PIWIL1: variants seen among roughly 807,000 people sequenced by gnomAD.
The protein encoded by PIWIL1 is piwi-like protein 1.
Under a neutral mutation model 114.4 loss-of-function variants are expected in PIWIL1, and 73 were observed. That is an observed-to-expected ratio of 0.64 (90% CI 0.53 to 0.78). The LOEUF (loss-of-function observed/expected upper bound fraction) is 0.78, where lower values mean the gene tolerates loss of function less well. PIWIL1 is among the 30% of genes least tolerant of loss of function. The pLI is 0.00. For synonymous variants in PIWIL1, 375 were observed against 369.0 expected (o/e 1.02, Z -0.19); for missense variants, 723 against 1,063.1 (o/e 0.68, Z 4.45).
the PIWIL1 span, among the ~76,000 whole-genome samples, chr12:130,420,592 A>G: frequency 1.3e-5 from 2 of 152,224 alleles, no homozygotes; most frequent in African/African-American, 4.8e-5. The surrounding 1 kb of genome is among the most constrained non-coding windows in gnomAD (Gnocchi z 4.3). Context: ...TGATGAATGC[A>G]GTTTTAAAAA....
Position 130,363,391 on chromosome 12 carries a change from T to TG in PIWIL1, c.2195+248dup, listed in dbSNP as rs559167817. 9.2e-5 allele frequency among the ~76,000 whole-genome samples: 14 copies of TG among 152,258 alleles called. 1 individual carries two copies. The highest frequency in any genetic ancestry group is 8.5e-4 in the Admixed American group (13 of 15,300). On this transcript the variant is annotated intron_variant, in intron 18 of 20. Transcript: ENST00000245255. The stretch of plus-strand genomic sequence containing the variant: ...ACAGTAAGACACCATTACCAATCAT[T>TG]GATCAGCTTTCTTTCTTACCTAAGG...
chr12:130,411,552 A>G, the PIWIL1 span, among the ~76,000 whole-genome samples: 1 of 104,776 alleles, frequency 9.5e-6, no homozygotes, highest in African/African-American at 2.9e-5. Flanking sequence ...GAAAAATAGC[A>G]TAAAAAATTT....
At chr12:130,356,705 A>G (rs1245168592) in intron 12 of PIWIL1, among the ~76,000 whole-genome samples, 3 of 152,252 alleles carry the variant, frequency 2.0e-5, no homozygotes, top group Admixed American at 2.0e-4. Context: ...GGCAGCTGTC[A>G]GTATGAGTGT....
chr12:130,371,804 G>C lies in PIWIL1; in HGVS notation c.*206G>C, dbSNP rs893613554. 1 of 334,526 alleles carries C rather than the reference G, an allele frequency of 3.0e-6. No homozygotes were observed. Among genetic ancestry groups the C allele is most frequent in the East Asian group, 5.4e-5 (1 of 18,498 alleles). 20.7% of individuals were successfully genotyped at this position (334,526 alleles called of 1,614,324 possible). On this transcript the variant is annotated 3_prime_UTR_variant, in exon 21 of 21. Coordinates refer to ENST00000245255, the MANE Select transcript of PIWIL1 (RefSeq NM_004764.5). Reference sequence around the variant, plus strand: ...TTAAGATTTTATATTTTATCTTCTTGTTTCTCATAGATATTTTGTGAGCAT... The same window carrying C: ...TTAAGATTTTATATTTTATCTTCTTCTTTCTCATAGATATTTTGTGAGCAT...
the PIWIL1 span, among the ~76,000 whole-genome samples, chr12:130,392,306 A>G: frequency 2.1e-5 from 3 of 141,710 alleles, no homozygotes; most frequent in Admixed American, 7.0e-5. Flanking sequence ...TGACCCGGTC[A>G]CCGTCATCAT....
chr12:130,406,086 G>A, the PIWIL1 span: 5 of 853,778 alleles, frequency 5.9e-6, no homozygotes, highest in African/African-American at 8.5e-5. Flanking sequence ...AATTTTAAGA[G>A]AAGGAACGGA....
the PIWIL1 span, among the ~76,000 whole-genome samples, chr12:130,390,279 A>G: frequency 6.6e-6 from 1 of 152,146 alleles, no homozygotes; most frequent in African/African-American, 2.4e-5. Flanking sequence ...ACAGTGGTCC[A>G]CTGTCTTGTG....
chr12:130,373,885 G>C (rs1258319298), downstream of PIWIL1, among the ~76,000 whole-genome samples: 1 of 152,156 alleles, frequency 6.6e-6, no homozygotes, highest in Admixed American at 6.5e-5. Flanking sequence ...AAAGAACAAA[G>C]CAAAGACTCC....
At chr12:130,399,177 T>G in the PIWIL1 span, 1 of 1,352,198 alleles carries the variant, frequency 7.4e-7, no homozygotes, top group Non-Finnish European at 9.6e-7. Context: ...TCCAAGCAGA[T>G]GAGCAAAGAA....
At chr12:130,407,759 G>A in the PIWIL1 span, 28 of 1,614,054 alleles carry the variant, frequency 1.7e-5, no homozygotes, top group Non-Finnish European at 2.4e-5. Flanking sequence ...TTTCTCTGGG[G>A]TCGTAGTCAT....
chr12:130,364,507 AAGTC>A (rs1555230072), intron 18 of PIWIL1, among the ~76,000 whole-genome samples: 1 of 152,226 alleles, frequency 6.6e-6, no homozygotes, highest in Non-Finnish European at 1.5e-5. Flanking sequence ...GTCTCAGAGA[AAGTC>A]AGGAGTGTTT....
the PIWIL1 span, among the ~76,000 whole-genome samples, chr12:130,403,122 GCT>G: frequency 2.0e-5 from 3 of 152,140 alleles, no homozygotes; most frequent in Admixed American, 6.5e-5. Context: ...ATTTGAATTC[GCT>G]CTCTCGAGAT....
the PIWIL1 span, among the ~76,000 whole-genome samples, chr12:130,404,728 T>C: frequency 6.6e-6 from 1 of 152,194 alleles, no homozygotes; most frequent in African/African-American, 2.4e-5. Context: ...ATATTATGTC[T>C]ATTTCTTCCA....
chr12:130,340,393 G>A (rs1206393291), intron 1 of PIWIL1, among the ~76,000 whole-genome samples: 1 of 152,018 alleles, frequency 6.6e-6, no homozygotes, highest in Non-Finnish European at 1.5e-5. Flanking sequence ...GGATGGTTTC[G>A]GGATGAAACG....
the PIWIL1 span, among the ~76,000 whole-genome samples, chr12:130,393,881 A>G: frequency 6.6e-6 from 1 of 152,138 alleles, no homozygotes; most frequent in Non-Finnish European, 1.5e-5. Flanking sequence ...CCTCCCCAAT[A>G]TCAGCGGTTT....
At chr12:130,369,424 G>T (rs1204477833) in intron 19 of PIWIL1, among the ~76,000 whole-genome samples, 1 of 152,188 alleles carries the variant, frequency 6.6e-6, no homozygotes, top group Non-Finnish European at 1.5e-5. Flanking sequence ...TAATGGGATT[G>T]CTGGGTCAAA....
At chr12:130,397,187 G>C in the PIWIL1 span, 2 of 368,418 alleles carry the variant, frequency 5.4e-6, no homozygotes, top group East Asian at 7.7e-5. Flanking sequence ...GAGAGCAACC[G>C]CTCCTCTTTG....
chr12:130,371,407 A>G, intron 20 of PIWIL1, 75 bp from the exon 21 acceptor site: 12 of 1,610,120 alleles, frequency 7.5e-6, no homozygotes, highest in Non-Finnish European at 1.0e-5. Flanking sequence ...AAAGGCTTTT[A>G]GGGTTAATAC....
the PIWIL1 span, chr12:130,414,434 A>G: frequency 4.5e-6 from 4 of 882,412 alleles, no homozygotes; most frequent in Non-Finnish European, 6.9e-6. Flanking sequence ...TTTGTGTCTT[A>G]ACATGTAGGT....
Sources: gnomAD v4.1 joint callset for allele counts (sites outside exome capture counted in the v4.1 genomes callset) on GRCh38, gnomAD v4.1.1 for gene constraint, Gnocchi (gnomAD v3.1) non-coding constraint, MANE v1.5 for transcripts, NCBI Gene and HGNC (gene_info 2026-07-23, HGNC 2026-07-21) for gene names.